Variants in LIPA observed in about 807,000 individuals in gnomAD.
LIPA encodes lipase A, lysosomal acid type.
In LIPA, 26 loss-of-function variants were observed where a neutral mutation model predicts 40.6. The observed-to-expected ratio is 0.64, with a 90% CI of 0.47 to 0.89. The LOEUF (loss-of-function observed/expected upper bound fraction) is 0.89, where lower values mean the gene tolerates loss of function less well. Ranked by LOEUF, LIPA falls within the 40% of genes least tolerant of loss-of-function variation. LIPA has a pLI of 0.00. For synonymous variants in LIPA, 188 were observed against 168.4 expected, an observed-to-expected ratio of 1.12 and a Z score of -0.90; for missense variants, 455 against 479.6, an observed-to-expected ratio of 0.95 and a Z score of 0.48.
At chr10:89,339,359 A>G (rs1243442811) in intron 1 of LIPA, 1 of 1,613,698 alleles carries the variant, frequency 6.2e-7, no homozygotes, top group Non-Finnish European at 8.5e-7. Flanking sequence ...GAAGCCTTGG[A>G]AAAGTCTCCT....
chr10:89,384,120 A>G (rs1186299716), intron 2 of LIPA: 1 of 1,614,192 alleles, frequency 6.2e-7, no homozygotes, highest in Admixed American at 1.7e-5. Context: ...CTGTGGATAA[A>G]GCTCTTGAGC....
At chr10:89,291,320 C>T (rs1040430884) in intron 1 of LIPA, among the ~76,000 whole-genome samples, 5 of 152,070 alleles carry the variant, frequency 3.3e-5, no homozygotes, top group Non-Finnish European at 7.3e-5. Flanking sequence ...AAATAGTCAA[C>T]GTGATCTACA....
chr10:89,238,954 T>C (rs1382939649), intron 3 of LIPA, among the ~76,000 whole-genome samples: 1 of 152,226 alleles, frequency 6.6e-6, no homozygotes, highest in Non-Finnish European at 1.5e-5. Context: ...ACTGTAAATG[T>C]AATAAAATAT....
intron 1 of LIPA, among the ~76,000 whole-genome samples, chr10:89,315,872 A>G (rs2133529241): frequency 6.6e-6 from 1 of 152,310 alleles, no homozygotes; most frequent in Admixed American, 6.5e-5. Flanking sequence ...CTAGGTCTCT[A>G]GGTCTAAATT....
chr10:89,233,337 G>A (rs1357114441), intron 3 of LIPA, among the ~76,000 whole-genome samples: 3 of 152,234 alleles, frequency 2.0e-5, no homozygotes, highest in Admixed American at 2.0e-4. Context: ...AATGCTGGCA[G>A]ATGAGGAAAA....
chr10:89,230,900 A>G (rs1337783427), intron 3 of LIPA, among the ~76,000 whole-genome samples: 2 of 152,250 alleles, frequency 1.3e-5, no homozygotes, highest in Non-Finnish European at 2.9e-5. Context: ...AAGTGAGGTA[A>G]GTATCCAGTA....
intron 3 of LIPA, among the ~76,000 whole-genome samples, chr10:89,239,907 T>A (rs776387051): frequency 8.5e-5 from 13 of 152,168 alleles, no homozygotes; most frequent in South Asian, 6.2e-4. Flanking sequence ...ATCATCTCCA[T>A]GCCAAATTGC....
intron 1 of LIPA, among the ~76,000 whole-genome samples, chr10:89,264,756 A>G (rs1843226576): frequency 6.6e-6 from 1 of 152,200 alleles, no homozygotes; most frequent in African/African-American, 2.4e-5. Context: ...AAAAAGCACC[A>G]TAAGTTCTCA....
rs552867264 is a variant in LIPA, at chr10:89,327,747, A to C, written c.-2+14864T>G. The C allele has an allele frequency of 1.6e-4, 55 of 349,700 alleles. 1 individual carries two copies. In the Admixed American group the frequency reaches 1.8e-3, roughly 11 times the overall value. The allele number at this position is 349,700 out of a possible 1,614,324, so 21.7% of individuals were successfully genotyped here. ...CTTAGAATTTAATTTTTTGGTTTAC[A>C]TTAGGAATGCTTCCACATTCTCTCA... is the stretch of plus-strand genomic sequence containing the variant. On this transcript the variant is annotated intron_variant, in intron 1 of 5. Coordinates refer to the LIPA transcript ENST00000282673.
chr10:89,295,535 T>C (rs1270495873), intron 1 of LIPA, among the ~76,000 whole-genome samples: 3 of 152,234 alleles, frequency 2.0e-5, no homozygotes, highest in South Asian at 2.1e-4. Context: ...GAATTTCTGA[T>C]TCTATCAGTC....
At chr10:89,332,033 A>C (rs6586184) in intron 1 of LIPA, among the ~76,000 whole-genome samples, 95,389 of 151,954 alleles carry the variant, frequency 0.63, 32,563 homozygotes, top group East Asian at 0.94. Context: ...GAGTTCGAGA[A>C]CAGCCTGACC....
chr10:89,342,372 T>G (rs1255793564), intron 1 of LIPA: 1 of 152,204 alleles, frequency 6.6e-6, no homozygotes, highest in Non-Finnish European at 1.5e-5. Context: ...ACTTGCTTCC[T>G]TACAAACGAG....
intron 2 of LIPA, chr10:89,402,439 A>G: frequency 6.2e-7 from 1 of 1,614,216 alleles, no homozygotes; most frequent in Non-Finnish European, 8.5e-7. Context: ...GTGGGAATAC[A>G]CAACCTACTA....
chr10:89,384,219 C>T, intron 2 of LIPA: 1 of 1,614,142 alleles, frequency 6.2e-7, no homozygotes, highest in South Asian at 1.1e-5. Flanking sequence ...TGATCCAAAT[C>T]AAGGAAGCTA....
At chr10:89,296,919 T>C (rs1265442977) in intron 1 of LIPA, among the ~76,000 whole-genome samples, 2 of 152,180 alleles carry the variant, frequency 1.3e-5, no homozygotes, top group African/African-American at 4.8e-5. Context: ...GGATGTCAAA[T>C]ACCAGGGCAA....
intron 2 of LIPA, among the ~76,000 whole-genome samples, chr10:89,394,606 A>AACTTG (rs1564807745): frequency 8.5e-5 from 3 of 35,188 alleles, no homozygotes; most frequent in Non-Finnish European, 9.4e-5. Context: ...ATATATATAT[A>AACTTG]TATATATATA....
chr10:89,401,832 G>A (rs1316115415), intron 2 of LIPA, among the ~76,000 whole-genome samples: 4 of 151,160 alleles, frequency 2.6e-5, no homozygotes, highest in Admixed American at 6.6e-5. Flanking sequence ...GTTTCATGTG[G>A]TCTTAATTTG....
At chr10:89,280,466 G>T (rs939663201) in intron 1 of LIPA, among the ~76,000 whole-genome samples, 8 of 152,188 alleles carry the variant, frequency 5.3e-5, no homozygotes, top group Non-Finnish European at 1.0e-4. Context: ...AACACAGCTG[G>T]ATTACATTTC....
chr10:89,339,050 G>A (rs751210145), intron 1 of LIPA: 2 of 1,614,116 alleles, frequency 1.2e-6, no homozygotes. Context: ...AATCCATACA[G>A]TATTGAGTAT....
Sources: allele counts gnomAD v4.1 joint callset (sites outside exome capture counted in the v4.1 genomes callset), GRCh38; gene constraint gnomAD v4.1.1; transcripts MANE v1.5; gene names NCBI Gene and HGNC (gene_info 2026-07-23, HGNC 2026-07-21).